Variants in ATP9A observed in about 807,000 individuals in gnomAD.
ATP9A encodes ATPase phospholipid transporting 9A, also known as probable phospholipid-transporting ATPase IIA.
Under a neutral mutation model 144.1 loss-of-function variants are expected in ATP9A, and 52 were observed. The observed-to-expected ratio is 0.36, with a 90% CI of 0.29 to 0.45. The LOEUF (loss-of-function observed/expected upper bound fraction) is 0.45, where lower values mean the gene tolerates loss of function less well. Among genes scored for constraint, ATP9A ranks in the 20% least tolerant of loss-of-function variants. The probability of loss-of-function intolerance (pLI) is 1.00; values close to 1 mark genes in which losing one functional copy is unlikely to be tolerated. For synonymous variants in ATP9A, 582 were observed against 557.4 expected (o/e 1.04, Z -0.62); for missense variants, 947 against 1,392.7 (o/e 0.68, Z 5.09).
At chr20:51,629,200 G>C in intron 15 of ATP9A, 128 bp from the exon 16 acceptor site, 1 of 626,200 alleles carries the variant, frequency 1.6e-6, no homozygotes, top group Non-Finnish European at 2.7e-6. Context: ...TCAGTTGGCT[G>C]AAGATGAAAA....
chr20:51,671,362 C>A, intron 11 of ATP9A, 105 bp from the exon 12 acceptor site: 2 of 1,342,342 alleles, frequency 1.5e-6, no homozygotes. Context: ...CATCCGGACT[C>A]ACTCCCTGCA....
chr20:51,701,665 A>G (rs1256149279), intron 4 of ATP9A, among the ~76,000 whole-genome samples: 3 of 152,188 alleles, frequency 2.0e-5, no homozygotes, highest in African/African-American at 4.8e-5. Flanking sequence ...CCTCTAAGGG[A>G]GGAAGCAAGG....
chr20:51,663,811 A>AC, intron 13 of ATP9A, among the ~76,000 whole-genome samples: 1 of 151,878 alleles, frequency 6.6e-6, no homozygotes, highest in African/African-American at 2.4e-5. Context: ...AAAAAAAAAA[A>AC]ACAAGAGAAC....
intron 15 of ATP9A, among the ~76,000 whole-genome samples, chr20:51,633,845 CAGAA>C (rs1568794795): frequency 8.1e-6 from 1 of 123,386 alleles, no homozygotes; most frequent in Non-Finnish European, 1.6e-5. Context: ...GGGAGAGAGA[CAGAA>C]AGAGGGAAGG....
At chr20:51,607,461 CAAG>C in intron 26 of ATP9A, 63 bp downstream of exon 26, 2 of 1,409,092 alleles carry the variant, frequency 1.4e-6, no homozygotes, top group East Asian at 2.3e-5. Flanking sequence ...GTTCTACAGG[CAAG>C]AAGGGGACAC....
intron 1 of ATP9A, among the ~76,000 whole-genome samples, chr20:51,737,629 T>C (rs1353510343): frequency 6.6e-6 from 1 of 152,196 alleles, no homozygotes. Context: ...AATTGTTGGA[T>C]GAATAAAGTC....
chr20:51,718,764 G>C (rs1367551574), intron 3 of ATP9A, among the ~76,000 whole-genome samples: 1 of 137,166 alleles, frequency 7.3e-6, no homozygotes, highest in Non-Finnish European at 1.5e-5. Context: ...GCAGTGAGCC[G>C]AGATCGCACC....
chr20:51,651,240 AATAT>A (rs1168178943), intron 14 of ATP9A, among the ~76,000 whole-genome samples: 1 of 125,744 alleles, frequency 8.0e-6, no homozygotes, highest in Non-Finnish European at 1.7e-5. Context: ...TTATTTACAT[AATAT>A]ATATTTACAT....
In ATP9A at chr20:51,689,214, C is replaced by T. The variant is rs2077536601; in HGVS notation, c.724-75G>A. The T allele has an allele frequency of 2.1e-6, 3 of 1,462,468 alleles. No individual in the cohort carries two copies. The East Asian group carries it at 6.9e-5, about 34-fold the overall frequency. The allele number at this position is 1,462,468 out of a possible 1,614,324, so 90.6% of individuals were successfully genotyped here. ...ATCCACAGGCTGCTTCTAGCATGGT[C>T]CGCTGGAGATAGAAAGACAGGCTCC... On this transcript the variant is annotated intron_variant, in intron 8 of 27. Coordinates refer to ENST00000338821, the MANE Select transcript of ATP9A (RefSeq NM_006045.3).
chr20:51,715,811 A>G (rs540700384), intron 3 of ATP9A, among the ~76,000 whole-genome samples: 8 of 152,276 alleles, frequency 5.3e-5, no homozygotes, highest in African/African-American at 1.9e-4. Context: ...CCATTCACAG[A>G]TATTTAGAAA....
intron 3 of ATP9A, among the ~76,000 whole-genome samples, chr20:51,716,857 A>G (rs1180962723): frequency 6.6e-6 from 1 of 152,180 alleles, no homozygotes; most frequent in Non-Finnish European, 1.5e-5. Flanking sequence ...GAGGCTCAGA[A>G]AAGTAGCCTT....
intron 13 of ATP9A, among the ~76,000 whole-genome samples, chr20:51,657,370 A>G (rs2077391700): frequency 6.6e-6 from 1 of 152,162 alleles, no homozygotes; most frequent in Non-Finnish European, 1.5e-5. Flanking sequence ...AGGAAAAAAA[A>G]TACAATTTAA....
At chr20:51,688,591 CAAAAAAAGAGAAAAGAA>C (rs1468926718) in intron 9 of ATP9A, among the ~76,000 whole-genome samples, 4 of 146,482 alleles carry the variant, frequency 2.7e-5, no homozygotes, top group South Asian at 2.2e-4. Context: ...GACCTTGTCT[CAAAAAAAGAGAAAAGAA>C]AAAAAAAGAG....
chr20:51,633,149 A>C (rs1431371787), intron 15 of ATP9A, among the ~76,000 whole-genome samples: 1 of 152,134 alleles, frequency 6.6e-6, no homozygotes, highest in Non-Finnish European at 1.5e-5. Flanking sequence ...AACAAAACAA[A>C]AAAACTGAAA....
intron 2 of ATP9A, among the ~76,000 whole-genome samples, chr20:51,727,947 C>T (rs1343121380): frequency 6.8e-6 from 1 of 147,106 alleles, no homozygotes; most frequent in Non-Finnish European, 1.5e-5. Context: ...AAAAAAAAAG[C>T]TATGTCCACA....
chr20:51,735,193 A>C (rs558294574), intron 1 of ATP9A: 1 of 152,504 alleles, frequency 6.6e-6, no homozygotes, highest in East Asian at 1.9e-4. Context: ...AACAAACAAA[A>C]AAAAGAATAA....
Position 51,613,751 on chromosome 20 carries a change from G to T in ATP9A, c.2497C>A (p.Arg833=). ...GCGGCTGACCGCTTGTAGCTGTTCC[G>T]GCCATGCACCATAAGCAACCGGCCA... The part of the protein sequence containing the change: ...HLGRLLMVHG[R]NSYKRSAALS... Residue 833 remains arginine (R), a synonymous_variant, in exon 23 of 28, where the codon CGG becomes AGG. Transcript: ENST00000338821. 1.9e-6 allele frequency: 3 copies of T among 1,614,100 alleles called. No individual in the cohort carries two copies. The highest frequency in any genetic ancestry group is 2.5e-6 in the Non-Finnish European group (3 of 1,180,016).
At chr20:51,610,451 C>T (rs747327217) in intron 23 of ATP9A, among the ~76,000 whole-genome samples, 4 of 152,114 alleles carry the variant, frequency 2.6e-5, no homozygotes, top group Non-Finnish European at 5.9e-5. Context: ...GAATCATTCC[C>T]GGGTAGGGTG....
At chr20:51,758,165 C>T (rs1210602455) in intron 1 of ATP9A, among the ~76,000 whole-genome samples, 1 of 152,148 alleles carries the variant, frequency 6.6e-6, no homozygotes, top group African/African-American at 2.4e-5. Context: ...TTGGTACAAA[C>T]AGAAGGGCTC....
Sources: gnomAD v4.1 joint callset for allele counts (sites outside exome capture counted in the v4.1 genomes callset) on GRCh38, gnomAD v4.1.1 for gene constraint, MANE v1.5 for transcripts, NCBI Gene and HGNC (gene_info 2026-07-23, HGNC 2026-07-21) for gene names.